The following DLC1 variants were observed in gnomAD, a reference collection of about 807,000 sequenced individuals.
DLC1 encodes the protein rho GTPase-activating protein 7.
Under a neutral mutation model 140.3 loss-of-function variants are expected in DLC1, and 54 were observed. The ratio of observed to expected loss-of-function variants is 0.38; its 90% CI spans 0.31 to 0.48. The LOEUF is 0.48. DLC1 is among the 20% of genes least tolerant of loss of function. The pLI, the probability that DLC1 is intolerant of heterozygous loss-of-function variation, is 0.96. For synonymous variants in DLC1, 986 were observed against 728.1 expected (o/e 1.35, Z -5.70); for missense variants, 2,536 against 1,907.0 (o/e 1.33, Z -6.14).
intron 7 of DLC1, among the ~76,000 whole-genome samples, chr8:13,107,778 G>A (rs142593506): frequency 1.9e-4 from 29 of 152,270 alleles, no homozygotes; most frequent in African/African-American, 6.0e-4. Context: ...CTGGCTGGTC[G>A]CGGTGGCTCA....
intron 5 of DLC1, among the ~76,000 whole-genome samples, chr8:13,140,645 A>T (rs186829001): frequency 3.5e-4 from 53 of 151,946 alleles, no homozygotes; most frequent in Non-Finnish European, 6.2e-4. Flanking sequence ...TTTTACTAGT[A>T]TGTCATCTGC....
intron 2 of DLC1, among the ~76,000 whole-genome samples, chr8:13,465,956 A>G (rs1181955015): frequency 2.0e-5 from 3 of 152,108 alleles, no homozygotes; most frequent in African/African-American, 7.2e-5. Context: ...AAGGTGATCA[A>G]TCCAGATACC....
At chr8:13,483,559 T>C (rs13277022) in intron 2 of DLC1, among the ~76,000 whole-genome samples, 139,681 of 152,176 alleles carry the variant, frequency 0.92, 64,659 homozygotes, top group Non-Finnish European at 0.97. Context: ...AACCAAAAAC[T>C]AGTTAGGCAA....
intron 7 of DLC1, among the ~76,000 whole-genome samples, chr8:13,110,081 G>A (rs1342266279): frequency 6.6e-6 from 1 of 152,068 alleles, no homozygotes; most frequent in Non-Finnish European, 1.5e-5. Context: ...AAAATGAGTA[G>A]ACATGTCTTG....
intron 5 of DLC1, among the ~76,000 whole-genome samples, chr8:13,201,831 A>AT (rs1052733108): frequency 4.4e-4 from 67 of 151,082 alleles, no homozygotes; most frequent in African/African-American, 1.6e-3. Flanking sequence ...GGGTATATAC[A>AT]TGCCGGTTTG....
chr8:13,350,811 G>A (rs1330078413), intron 4 of DLC1, among the ~76,000 whole-genome samples: 1 of 152,186 alleles, frequency 6.6e-6, no homozygotes, highest in Non-Finnish European at 1.5e-5. Context: ...TTGGAAGGTG[G>A]TAGCCTTTAG....
At chr8:13,423,034 G>A (rs569559927) in intron 2 of DLC1, among the ~76,000 whole-genome samples, 3 of 152,202 alleles carry the variant, frequency 2.0e-5, no homozygotes, top group Admixed American at 6.5e-5. Context: ...AAGGAGTTGG[G>A]GGGTGATGTA....
At chr8:13,336,379 A>G (rs1223347117) in intron 4 of DLC1, among the ~76,000 whole-genome samples, 2 of 152,228 alleles carry the variant, frequency 1.3e-5, no homozygotes, top group Non-Finnish European at 2.9e-5. Flanking sequence ...GTTACACTAT[A>G]TTAATTTTTC....
intron 4 of DLC1, among the ~76,000 whole-genome samples, chr8:13,321,193 T>C (rs1228999641): frequency 6.6e-6 from 1 of 152,196 alleles, no homozygotes; most frequent in East Asian, 1.9e-4. Context: ...TTCACCTATG[T>C]GCTAAACAGG....
At chr8:13,366,213 A>C (rs1020054661) in intron 4 of DLC1, among the ~76,000 whole-genome samples, 45 of 152,206 alleles carry the variant, frequency 3.0e-4, no homozygotes, top group African/African-American at 1.0e-3. Flanking sequence ...GGGGCAGTGA[A>C]AATAGTAGGG....
chr8:13,135,129 G>GT (rs1822461837), intron 5 of DLC1, among the ~76,000 whole-genome samples: 1 of 151,730 alleles, frequency 6.6e-6, no homozygotes, highest in Non-Finnish European at 1.5e-5. Flanking sequence ...GGCCAGGAAA[G>GT]TAAAAGCAAG....
intron 4 of DLC1, chr8:13,342,518 G>A (rs760695088): frequency 1.3e-5 from 2 of 152,200 alleles, no homozygotes; most frequent in Non-Finnish European, 2.9e-5. Context: ...TGTAATGCAG[G>A]TGAAACTCAT....
Position 13,130,493 on chromosome 8 carries a change from C to A in DLC1, c.1349-14836G>T, listed in dbSNP as rs143749509. ...AGTCTTTGCTCTCTCAACTACAGTA[C>A]AGAACAACAAAAAAACATGCAAACA... On this transcript the variant is annotated intron_variant, in intron 5 of 17. Coordinates refer to ENST00000276297, the MANE Select transcript of DLC1 (RefSeq NM_182643.3). Among the ~76,000 whole-genome samples, 652 of 152,316 alleles carry A rather than the reference C, an allele frequency of 4.3e-3. 6 individuals are homozygous for A. The highest frequency in any genetic ancestry group is 0.014 in the African/African-American group (595 of 41,560).
At chr8:13,282,644 T>C (rs912806396) in intron 5 of DLC1, among the ~76,000 whole-genome samples, 1 of 152,194 alleles carries the variant, frequency 6.6e-6, no homozygotes, top group Non-Finnish European at 1.5e-5. Context: ...TTTAATTCTT[T>C]CTTTTATCCT....
intron 4 of DLC1, among the ~76,000 whole-genome samples, chr8:13,390,433 AC>A (rs1268258355): frequency 6.6e-6 from 1 of 152,166 alleles, no homozygotes; most frequent in African/African-American, 2.4e-5. Context: ...GCTTTAATAA[AC>A]ATACATGTAC....
chr8:13,296,661 C>G (rs1202534695), intron 5 of DLC1, among the ~76,000 whole-genome samples: 13 of 152,088 alleles, frequency 8.5e-5, no homozygotes, highest in Admixed American at 8.5e-4. Context: ...AGCACCTACT[C>G]TGTGCAAGAT....
intron 1 of DLC1, among the ~76,000 whole-genome samples, chr8:13,533,705 C>T (rs1237078485): frequency 6.6e-6 from 1 of 152,146 alleles, no homozygotes; most frequent in East Asian, 1.9e-4. Context: ...TATGGTTTGA[C>T]TCTGTGTCCC....
intron 1 of DLC1, among the ~76,000 whole-genome samples, chr8:13,591,518 C>A (rs1805515991): frequency 6.6e-6 from 1 of 152,114 alleles, no homozygotes; most frequent in African/African-American, 2.4e-5. Flanking sequence ...GCCTCCCTAG[C>A]CATGCAGAAC....
At chr8:13,300,290 G>A (rs1196760421) in intron 5 of DLC1, among the ~76,000 whole-genome samples, 1 of 152,098 alleles carries the variant, frequency 6.6e-6, no homozygotes, top group African/African-American at 2.4e-5. Flanking sequence ...TGGGGAGGAT[G>A]GTGTGGGGAG....
Sources: gnomAD v4.1 joint callset for allele counts (sites outside exome capture counted in the v4.1 genomes callset) on GRCh38, gnomAD v4.1.1 for gene constraint, MANE v1.5 for transcripts, NCBI Gene and HGNC (gene_info 2026-07-23, HGNC 2026-07-21) for gene names.